Variants in RABGAP1L observed in about 807,000 individuals in gnomAD.
The protein encoded by RABGAP1L is RAB GTPase activating protein 1 like, also known as rab GTPase-activating protein 1-like.
RABGAP1L carries 63 observed loss-of-function variants against 137.7 expected under a neutral mutation model. The observed-to-expected ratio is 0.46, with a 90% CI of 0.37 to 0.56. The LOEUF (loss-of-function observed/expected upper bound fraction) is 0.56, where lower values mean the gene tolerates loss of function less well. Among genes scored for constraint, RABGAP1L ranks in the 20% least tolerant of loss-of-function variants. The probability of loss-of-function intolerance (pLI) is 0.00; values close to 1 mark genes in which losing one functional copy is unlikely to be tolerated. For synonymous variants in RABGAP1L, 431 were observed against 433.7 expected, an observed-to-expected ratio of 0.99 and a Z score of 0.08; for missense variants, 1,095 against 1,244.0, an observed-to-expected ratio of 0.88 and a Z score of 1.80.
chr1:174,364,005 TC>T (rs2148973426), intron 11 of RABGAP1L, among the ~76,000 whole-genome samples: 2 of 151,900 alleles, frequency 1.3e-5, no homozygotes, highest in East Asian at 3.9e-4. Context: ...GCCTACAGTT[TC>T]CCTTTTTTGA....
At chr1:174,327,980 C>CGTATATATATATATATATAT (rs1680618158) in intron 11 of RABGAP1L, among the ~76,000 whole-genome samples, 1 of 105,940 alleles carries the variant, frequency 9.4e-6, no homozygotes, top group African/African-American at 4.1e-5. Flanking sequence ...TATATATATA[C>CGTATATATATATATATATAT]ACACACATAT....
intron 15 of RABGAP1L, among the ~76,000 whole-genome samples, chr1:174,684,963 A>C (rs1248218627): frequency 6.6e-6 from 1 of 151,584 alleles, no homozygotes; most frequent in African/African-American, 2.4e-5. Context: ...CTTGGGCAAT[A>C]GAAGGAGACC....
intron 18 of RABGAP1L, among the ~76,000 whole-genome samples, chr1:174,780,511 C>A (rs1686898886): frequency 6.6e-6 from 1 of 152,158 alleles, no homozygotes. Context: ...ATAGAGATAA[C>A]TCACAGGGAA....
At chr1:174,505,818 T>C (rs1445501675) in intron 13 of RABGAP1L, among the ~76,000 whole-genome samples, 1 of 152,174 alleles carries the variant, frequency 6.6e-6, no homozygotes, top group Non-Finnish European at 1.5e-5. Context: ...AAAGGAAATG[T>C]AATCAGTATG....
At chr1:174,496,686 A>G (rs551113239) in intron 13 of RABGAP1L, among the ~76,000 whole-genome samples, 20 of 152,240 alleles carry the variant, frequency 1.3e-4, no homozygotes, top group Non-Finnish European at 2.4e-4. Flanking sequence ...CAAGTGAACT[A>G]GCACGCGTGT....
intron 19 of RABGAP1L, among the ~76,000 whole-genome samples, chr1:174,883,455 G>A (rs1044119064): frequency 5.3e-5 from 8 of 152,174 alleles, no homozygotes; most frequent in African/African-American, 1.7e-4. Flanking sequence ...AAATGAACTA[G>A]TTGGGTTACC....
At chr1:174,198,113 C>CAGATGCTATATTA (rs1444408353) in intron 1 of RABGAP1L, among the ~76,000 whole-genome samples, 1 of 152,142 alleles carries the variant, frequency 6.6e-6, no homozygotes, top group Admixed American at 6.5e-5. Context: ...CTTAGAAACA[C>CAGATGCTATATTA]TGTTCTAATT....
At chr1:174,504,426 A>AG (rs1449723764) in intron 13 of RABGAP1L, among the ~76,000 whole-genome samples, 1 of 150,968 alleles carries the variant, frequency 6.6e-6, no homozygotes, top group Non-Finnish European at 1.5e-5. Context: ...AAAAAAAAAA[A>AG]CCAAACAAAT....
intron 1 of RABGAP1L, among the ~76,000 whole-genome samples, chr1:174,216,592 T>A (rs1002132256): frequency 2.0e-5 from 3 of 151,954 alleles, no homozygotes; most frequent in Non-Finnish European, 2.9e-5. Context: ...GTCATGTTTT[T>A]TTTTTTTGTC....
chr1:174,765,058 T>A (rs932068819), intron 18 of RABGAP1L, among the ~76,000 whole-genome samples: 3 of 152,220 alleles, frequency 2.0e-5, no homozygotes, highest in Non-Finnish European at 4.4e-5. Context: ...GTCAATCTCA[T>A]CTGTCCGTGT....
At chr1:174,658,842 T>C (rs919430094) in intron 14 of RABGAP1L, among the ~76,000 whole-genome samples, 3 of 152,216 alleles carry the variant, frequency 2.0e-5, no homozygotes, top group African/African-American at 7.2e-5. Flanking sequence ...GTTTTACTTA[T>C]GAGAGTTTGC....
intron 19 of RABGAP1L, among the ~76,000 whole-genome samples, chr1:174,833,394 G>GTA (rs377215908): frequency 0.19 from 10,626 of 56,764 alleles, 957 homozygotes; most frequent in Middle Eastern, 0.35. Flanking sequence ...GTGTGTGTGT[G>GTA]TGTGTGTATG....
chr1:174,620,548 G>A (rs147536923), intron 13 of RABGAP1L, among the ~76,000 whole-genome samples: 1,632 of 152,124 alleles, frequency 0.011, 22 homozygotes, highest in African/African-American at 0.037. Context: ...GGTACATAAC[G>A]AAATGAAGGC....
At chr1:174,650,148 G>A (rs200263787) in intron 14 of RABGAP1L, among the ~76,000 whole-genome samples, 12 of 152,034 alleles carry the variant, frequency 7.9e-5, no homozygotes, top group East Asian at 1.9e-4. Context: ...ATTGATTTAC[G>A]TATATTGAAC....
intron 1 of RABGAP1L, among the ~76,000 whole-genome samples, chr1:174,187,432 G>T (rs1317005686): frequency 3.9e-5 from 6 of 152,052 alleles, no homozygotes; most frequent in Admixed American, 3.9e-4. Context: ...TTAAATATTT[G>T]TAGACTTAAT....
intron 18 of RABGAP1L, among the ~76,000 whole-genome samples, chr1:174,808,952 C>A (rs74405984): frequency 6.6e-6 from 1 of 152,064 alleles, no homozygotes; most frequent in South Asian, 2.1e-4. Flanking sequence ...CCACCAAGCA[C>A]GGCCTCATTC....
At chr1:174,295,119 G>C (rs373816648) in intron 10 of RABGAP1L, among the ~76,000 whole-genome samples, 1 of 151,410 alleles carries the variant, frequency 6.6e-6, no homozygotes, top group Admixed American at 6.6e-5. Context: ...GGGTTTCACC[G>C]TGTTAGCCAA....
At chr1:174,664,301 C>G (rs1320087027) in intron 14 of RABGAP1L, among the ~76,000 whole-genome samples, 1 of 152,112 alleles carries the variant, frequency 6.6e-6, no homozygotes, top group African/African-American at 2.4e-5. Flanking sequence ...AATTTGTGTA[C>G]TTTGTACAAT....
intron 17 of RABGAP1L, among the ~76,000 whole-genome samples, chr1:174,720,290 T>TAGATAGATAGATAGATAGACAGAC (rs368112419): frequency 4.2e-5 from 6 of 141,678 alleles, no homozygotes; most frequent in East Asian, 4.1e-4. Flanking sequence ...GATAGATAGA[T>TAGATAGATAGATAGATAGACAGAC]AGACAGACAG....
Sources: allele counts gnomAD v4.1 joint callset (sites outside exome capture counted in the v4.1 genomes callset), GRCh38; gene constraint gnomAD v4.1.1; transcripts MANE v1.5; gene names NCBI Gene and HGNC (gene_info 2026-07-23, HGNC 2026-07-21).